Variants in CPNE1 observed in about 807,000 individuals in gnomAD.
CPNE1 encodes the protein copine 1, also known as copine-1.
Under a neutral mutation model 63.2 loss-of-function variants are expected in CPNE1, and 58 were observed. That is an observed-to-expected ratio of 0.92 (90% CI 0.74 to 1.14). The LOEUF (loss-of-function observed/expected upper bound fraction) is 1.14. CPNE1 is among the 50% of genes most tolerant of loss of function. The pLI, the probability that CPNE1 is intolerant of heterozygous loss-of-function variation, is 0.00. For synonymous variants in CPNE1, 237 were observed against 249.0 expected (o/e 0.95, Z 0.45); for missense variants, 672 against 661.7 (o/e 1.02, Z -0.17).
intron 1 of CPNE1, among the ~76,000 whole-genome samples, chr20:35,637,394 T>TC (rs938296456): frequency 6.6e-5 from 10 of 152,252 alleles, no homozygotes; most frequent in African/African-American, 2.4e-4. Flanking sequence ...TAACCCTGCA[T>TC]CCCTAGATCA....
At chr20:35,631,060 A>G (rs904551153) in intron 10 of CPNE1, 26 bp from the exon 11 acceptor site, 1 of 1,614,036 alleles carries the variant, frequency 6.2e-7, no homozygotes, top group Non-Finnish European at 8.5e-7. Context: ...GAAGGCAGCT[A>G]AAGGCCACCC....
At chr20:35,627,241 TTGATTGCC>T in intron 14 of CPNE1, 31 bp downstream of exon 14, 1 of 1,489,462 alleles carries the variant, frequency 6.7e-7, no homozygotes, top group Non-Finnish European at 9.1e-7. Flanking sequence ...AAGGAAGCCC[TTGATTGCC>T]ACCACTGCCA....
chr20:35,629,075 TACAC>T (rs371334408), intron 13 of CPNE1, among the ~76,000 whole-genome samples: 2 of 151,726 alleles, frequency 1.3e-5, no homozygotes, highest in African/African-American at 4.8e-5. Context: ...TATACATGTG[TACAC>T]ACACACACAC....
At chr20:35,654,915 G>A in intron 1 of CPNE1, 1 of 1,614,118 alleles carries the variant, frequency 6.2e-7, no homozygotes, top group Non-Finnish European at 8.5e-7. Context: ...CAGAAGTGGT[G>A]GCAGTAACTA....
At chr20:35,652,370 T>C (rs1010631135) in intron 1 of CPNE1, 1 of 829,434 alleles carries the variant, frequency 1.2e-6, no homozygotes, top group Non-Finnish European at 1.9e-6. Context: ...GTGAGTCTTC[T>C]GTAAACAGTC....
At chr20:35,664,074 A>AC (rs1469279134) in intron 1 of CPNE1, among the ~76,000 whole-genome samples, 1 of 146,096 alleles carries the variant, frequency 6.8e-6, no homozygotes, top group Admixed American at 7.0e-5. Flanking sequence ...TACTCACCCC[A>AC]CCCCCTCACC....
intron 1 of CPNE1, chr20:35,643,532 C>T (rs1376606243): frequency 6.6e-6 from 1 of 152,198 alleles, no homozygotes; most frequent in Non-Finnish European, 1.5e-5. Flanking sequence ...CACCTGAGGT[C>T]AGGAGTTCGA....
intron 1 of CPNE1, chr20:35,658,800 AAAACAC>A (rs1226355840): frequency 1.7e-5 from 8 of 481,460 alleles, no homozygotes; most frequent in Admixed American, 4.5e-5. Flanking sequence ...CAAGCAAACA[AAAACAC>A]ACACACACAC....
At chr20:35,635,565 C>T (rs1291390524) in intron 1 of CPNE1, among the ~76,000 whole-genome samples, 4 of 152,068 alleles carry the variant, frequency 2.6e-5, no homozygotes, top group Non-Finnish European at 4.4e-5. Flanking sequence ...TGGGTAATTC[C>T]GTCCTCCTGC....
At chr20:35,659,977 A>G (rs1461843102) in intron 1 of CPNE1, among the ~76,000 whole-genome samples, 3 of 152,254 alleles carry the variant, frequency 2.0e-5, no homozygotes, top group Non-Finnish European at 4.4e-5. Context: ...TTCCAAGACC[A>G]AAATACAACT....
At position 35,630,978 on chromosome 20, in the gene CPNE1, G is replaced by A; in HGVS notation, c.918C>T (p.His306=). The A allele has an allele frequency of 6.2e-7, 1 of 1,614,176 alleles. No homozygotes were observed. Residue 306 remains histidine (H), a synonymous_variant, in exon 11 of 16, where the codon CAC becomes CAT. Coordinates refer to ENST00000397443, the MANE Select transcript of CPNE1 (RefSeq NM_152925.3). ...CATTGACCCCTGTTGGACTCAGGTA[G>A]TGTAGGGAGTCAGGTGAGGAGGGGT... ...NGDPSSPDSL[H]YLSPTGVNEY...
At chr20:35,628,250 A>G (rs916479099) in intron 13 of CPNE1, among the ~76,000 whole-genome samples, 3 of 152,050 alleles carry the variant, frequency 2.0e-5, no homozygotes, top group African/African-American at 7.2e-5. Context: ...GCGCCACCGC[A>G]TTCCAGCCTG....
intron 1 of CPNE1, among the ~76,000 whole-genome samples, chr20:35,657,196 T>G (rs1285292517): frequency 6.6e-6 from 1 of 152,108 alleles, no homozygotes; most frequent in Non-Finnish European, 1.5e-5. Flanking sequence ...TGGGGAAGCT[T>G]TTCATTTACA....
rs758435531 is a variant in CPNE1 at position 35,632,302 on chromosome 20, G to A, written c.384+9C>T. On this transcript the variant is annotated intron_variant, in intron 4 of 15. Coordinates refer to ENST00000397443, the MANE Select transcript of CPNE1 (RefSeq NM_152925.3). The stretch of plus-strand genomic sequence containing the variant: ...TAAGTCCCTCCTCAACCCTTGCTGG[G>A]TTCCTTACCGTGATGGTCCCCCGCC... The A allele has an allele frequency of 1.9e-6, 3 of 1,613,958 alleles. No individual in the cohort carries two copies.
At chr20:35,662,071 G>A (rs971635305) in intron 1 of CPNE1, among the ~76,000 whole-genome samples, 2 of 152,104 alleles carry the variant, frequency 1.3e-5, no homozygotes, top group African/African-American at 2.4e-5. Flanking sequence ...CAAAGTCTGG[G>A]ATCACTCTTA....
intron 1 of CPNE1, among the ~76,000 whole-genome samples, chr20:35,639,884 C>G (rs780230770): frequency 1.6e-4 from 24 of 152,056 alleles, no homozygotes; most frequent in Non-Finnish European, 1.5e-4. Context: ...CTATTCCTTC[C>G]TAATCATTAC....
At position 35,626,816 on chromosome 20, in the gene CPNE1, C is replaced by T. The variant is rs2031778790; in HGVS notation, c.1237-13G>A. ...GCATGAAGTATTGCTGGGGACAAGC[C>T]CATTCATGTCCTGAAGCAGATCCTC... On this transcript the variant is annotated splice_polypyrimidine_tract_variant and intron_variant, in intron 14 of 15. Coordinates refer to ENST00000397443, the MANE Select transcript of CPNE1 (RefSeq NM_152925.3). 2 of 1,600,540 alleles carry T rather than the reference C, an allele frequency of 1.2e-6. No individual in the cohort carries two copies. Among genetic ancestry groups the T allele is most frequent in the East Asian group, 4.5e-5 (2 of 44,808 alleles).
Position 35,631,288 on chromosome 20 carries a change from T to A in CPNE1, c.781A>T (p.Ile261Phe). ...CTCACCCGACAAATCTTGACACGGA[T>A]AGTTCCAGAGTTCTTGTAGCTTTTC... is the stretch of plus-strand genomic sequence containing the variant. ...KKKSYKNSGT[I>F]RVKICRVETE... The change falls in exon 9 of 16, where the codon ATC (isoleucine) becomes TTC (phenylalanine). Residue 261 changes from isoleucine (I) to phenylalanine (F), a missense_variant. Ile to Phe is a conservative substitution (Grantham distance 21, BLOSUM62 0). Coordinates refer to ENST00000397443, the MANE Select transcript of CPNE1 (RefSeq NM_152925.3). The A allele has an allele frequency of 3.7e-6, 6 of 1,614,156 alleles. No homozygotes were observed. Among genetic ancestry groups the A allele is most frequent in the Non-Finnish European group, 5.1e-6 (6 of 1,180,010 alleles).
intron 2 of CPNE1, 31 bp from the exon 3 acceptor site, chr20:35,632,727 C>A: frequency 1.1e-6 from 1 of 883,434 alleles, no homozygotes; most frequent in South Asian, 1.3e-5. Flanking sequence ...GCATCACAGT[C>A]ACAGCCTCCA....
Sources: allele counts gnomAD v4.1 joint callset (sites outside exome capture counted in the v4.1 genomes callset), GRCh38; gene constraint gnomAD v4.1.1; transcripts MANE v1.5; gene names NCBI Gene and HGNC (gene_info 2026-07-23, HGNC 2026-07-21).